The following LILRB1 variants were observed in gnomAD, a reference collection of about 807,000 sequenced individuals.
LILRB1 encodes leukocyte immunoglobulin-like receptor subfamily B member 1.
A neutral mutation model predicts 74.6 loss-of-function variants in LILRB1; 59 were observed. That is an observed-to-expected ratio of 0.79 (90% CI 0.64 to 0.98). The LOEUF is 0.98. LILRB1 is among the 50% of genes least tolerant of loss of function. The pLI, the probability that LILRB1 is intolerant of heterozygous loss-of-function variation, is 0.00. For missense variants in LILRB1, 804 were observed against 822.6 expected, an observed-to-expected ratio of 0.98 and a Z score of 0.28; for synonymous variants, 328 against 333.9, an observed-to-expected ratio of 0.98 and a Z score of 0.19.
rs772415843 is a variant in LILRB1, at chr19:54,630,599, G to A, written c.-83G>A. The A allele has an allele frequency of 3.8e-6, 3 of 796,842 alleles. No homozygotes were observed. Among genetic ancestry groups the A allele is most frequent in the South Asian group, 2.8e-5 (2 of 71,788 alleles). 49.4% of individuals were successfully genotyped at this position (796,842 alleles called of 1,614,324 possible). A position where few individuals can be genotyped will look rare whatever the true frequency, so the allele number is the denominator to read the frequency against. Reference sequence around the variant, plus strand: ...TGCAGCATGGACCTGGGTCTTCCCTGAAGCATCTCCAGGGCTGGAGGGACG... The same window carrying A: ...TGCAGCATGGACCTGGGTCTTCCCTAAAGCATCTCCAGGGCTGGAGGGACG... On this transcript the variant is annotated 5_prime_UTR_variant, in exon 1 of 15. An upstream open reading frame in the 5' UTR loses its in-frame stop. Coordinates refer to ENST00000324602, the MANE Select transcript of LILRB1 (RefSeq NM_001081637.3).
chr19:54,621,272 C>T (rs2063449086), intron 1 of LILRB1, among the ~76,000 whole-genome samples: 1 of 152,068 alleles, frequency 6.6e-6, no homozygotes, highest in Non-Finnish European at 1.5e-5. Context: ...GAGATAGCTC[C>T]ATATTATTTT....
At chr19:54,620,665 TC>T (rs2063432140) in intron 1 of LILRB1, among the ~76,000 whole-genome samples, 1 of 152,112 alleles carries the variant, frequency 6.6e-6, no homozygotes, top group African/African-American at 2.4e-5. Flanking sequence ...TAGCCAACTC[TC>T]CCTATAAAAC....
chr19:54,626,477 T>C (rs1227060941), upstream of LILRB1, among the ~76,000 whole-genome samples: 1 of 152,236 alleles, frequency 6.6e-6, no homozygotes, highest in Non-Finnish European at 1.5e-5. Flanking sequence ...TTTCCTCTTC[T>C]CATTCCATTT....
At chr19:54,627,810 T>G (rs1568571607), upstream of LILRB1, among the ~76,000 whole-genome samples, 1 of 152,208 alleles carries the variant, frequency 6.6e-6, no homozygotes, top group Non-Finnish European at 1.5e-5. Context: ...GAAGAAGACT[T>G]CTAGGACCAG....
chr19:54,632,731 C>G lies in LILRB1; in HGVS notation c.929C>G (p.Pro310Arg). ...AACCTCTCCTCCGAGTGGTCGGCCC[C>G]CAGCGACCCCCTGGACATCCTGATC... ...AHNLSSEWSA[P>R]SDPLDILIAG... Residue 310 changes from proline (P) to arginine (R), a missense_variant, in exon 6 of 15, where the codon CCC becomes CGC. Physicochemically the swap from Pro to Arg is moderately radical, Grantham distance 103. Transcript: ENST00000324602. 6.2e-7 allele frequency: 1 copy of G among 1,612,346 alleles called. No homozygotes were observed. The highest frequency in any genetic ancestry group is 8.5e-7 in the Non-Finnish European group (1 of 1,179,958).
chr19:54,634,786 C>G (rs1054694794), intron 10 of LILRB1, 23 bp downstream of exon 10: 1 of 1,611,858 alleles, frequency 6.2e-7, no homozygotes, highest in South Asian at 1.1e-5. Context: ...TGGGGGGACC[C>G]TGAGGGCTGA....
In LILRB1 at chr19:54,631,086, C is replaced by G. The variant is rs764282215; in HGVS notation, c.13C>G (p.Leu5Val). The G allele has an allele frequency of 3.0e-5, 48 of 1,614,066 alleles. No individual in the cohort carries two copies. Among genetic ancestry groups the G allele is most frequent in the Admixed American group, 1.3e-4 (8 of 60,000 alleles). The change falls in exon 2 of 15, where the codon CTC (leucine) becomes GTC (valine). Residue 5 changes from leucine (L) to valine (V), a missense_variant. Leu to Val is a conservative substitution (Grantham distance 32). Coordinates refer to ENST00000324602, the MANE Select transcript of LILRB1 (RefSeq NM_001081637.3). ...GGGAGGAGACGCCATGACCCCCATC[C>G]TCACGGTCCTGATCTGTCTCGGTGA... MTPI[L>V]TVLICLGLSL... is the part of the protein sequence containing the mutation.
At chr19:54,620,555 T>A (rs1166715699) in intron 1 of LILRB1, among the ~76,000 whole-genome samples, 1 of 152,154 alleles carries the variant, frequency 6.6e-6, no homozygotes, top group Non-Finnish European at 1.5e-5. Context: ...CTAATGAGTA[T>A]ATGAGATCCA....
At chr19:54,626,577 T>C (rs2063595188), upstream of LILRB1, among the ~76,000 whole-genome samples, 1 of 151,546 alleles carries the variant, frequency 6.6e-6, no homozygotes, top group African/African-American at 2.4e-5. Context: ...TCCACACCAA[T>C]ACTATGCTCA....
chr19:54,626,061 C>A (rs1200521418), upstream of LILRB1, among the ~76,000 whole-genome samples: 2 of 152,246 alleles, frequency 1.3e-5, no homozygotes, highest in Admixed American at 1.3e-4. Context: ...ACCCCAGCAT[C>A]CTCTTGGAAG....
intron 13 of LILRB1, 154 bp from the exon 14 acceptor site, chr19:54,636,340 G>C: frequency 7.0e-7 from 1 of 1,421,460 alleles, no homozygotes. Context: ...CAGAACCACA[G>C]CGAGGGAGCG....
At chr19:54,622,857 G>A (rs932793565) in intron 1 of LILRB1, among the ~76,000 whole-genome samples, 6 of 152,230 alleles carry the variant, frequency 3.9e-5, no homozygotes, top group Admixed American at 3.3e-4. Context: ...TGCCTAGTCT[G>A]TTGAGGGATT....
At chr19:54,632,782 G>T (rs779004566) in intron 6 of LILRB1, 22 bp downstream of exon 6, 1 of 1,611,364 alleles carries the variant, frequency 6.2e-7, no homozygotes, top group Non-Finnish European at 8.5e-7. Flanking sequence ...AGCGGGTTCA[G>T]TCAGGGACCC....
rs1466196752 is a variant in LILRB1 at position 54,634,374 on chromosome 19, C to T, written c.1364-267C>T. 4.0e-5 allele frequency: 61 copies of T among 1,538,472 alleles called. 1 individual carries two copies. Among genetic ancestry groups the T allele is most frequent in the African/African-American group, 1.8e-4 (13 of 72,612 alleles). The stretch of plus-strand genomic sequence containing the variant: ...GCTCTTTCCCTGCAGCTCCGGGGCT[C>T]GGCTCTGGTGCAGGAACAAGGGCTG... On this transcript the variant is annotated intron_variant, in intron 9 of 14. Transcript: ENST00000324602.
chr19:54,632,152 G>A lies in LILRB1; in HGVS notation c.576G>A (p.Arg192=), dbSNP rs1327512582. 2 of 1,614,108 alleles carry A rather than the reference G, an allele frequency of 1.2e-6. No homozygotes were observed. Among genetic ancestry groups the A allele is most frequent in the African/African-American group, 2.7e-5 (2 of 74,944 alleles). ...FSVGPVSPSR[R]WWYRCYAYDS... is the part of the protein sequence containing the mutation. Reference sequence around the variant, plus strand: ...TGGGCCCCGTGAGCCCGAGTCGCAGGTGGTGGTACAGGTGCTATGCTTATG... The same window carrying A: ...TGGGCCCCGTGAGCCCGAGTCGCAGATGGTGGTACAGGTGCTATGCTTATG... Residue 192 remains arginine, a synonymous_variant, in exon 5 of 15, where the codon AGG becomes AGA. Coordinates refer to ENST00000324602, the MANE Select transcript of LILRB1 (RefSeq NM_001081637.3).
intron 9 of LILRB1, chr19:54,634,376 G>C (rs1233337034): frequency 2.6e-6 from 4 of 1,539,112 alleles, no homozygotes; most frequent in Non-Finnish European, 3.5e-6. Context: ...CCGGGGCTCG[G>C]CTCTGGTGCA....
At chr19:54,621,825 A>G (rs766942375) in intron 1 of LILRB1, among the ~76,000 whole-genome samples, 5 of 152,170 alleles carry the variant, frequency 3.3e-5, no homozygotes, top group Non-Finnish European at 5.9e-5. Flanking sequence ...TTCAGGTCTC[A>G]CATTGAGGTC....
At chr19:54,633,794 G>C (rs1240637053) in intron 8 of LILRB1, 106 bp downstream of exon 8, 1 of 1,482,768 alleles carries the variant, frequency 6.7e-7, no homozygotes, top group African/African-American at 1.4e-5. Context: ...CTTCCCTCCA[G>C]GGAGCCGGGC....
intron 9 of LILRB1, 76 bp from the exon 10 acceptor site, chr19:54,634,565 G>A: frequency 6.5e-7 from 1 of 1,532,838 alleles, no homozygotes; most frequent in South Asian, 1.2e-5. Flanking sequence ...TGAACAGAAG[G>A]TCCAGCAGTC....
Sources: gnomAD v4.1 joint callset for allele counts (sites outside exome capture counted in the v4.1 genomes callset) on GRCh38, gnomAD v4.1.1 for gene constraint, MANE v1.5 for transcripts, NCBI Gene and HGNC (gene_info 2026-07-23, HGNC 2026-07-21) for gene names.